Variants in GRM7 observed in about 807,000 individuals in gnomAD.
The protein encoded by GRM7 is metabotropic glutamate receptor 7.
GRM7 carries 35 observed loss-of-function variants against 84.5 expected under a neutral mutation model. That is an observed-to-expected ratio of 0.41 (90% CI 0.32 to 0.55). The LOEUF (loss-of-function observed/expected upper bound fraction) is 0.55, where lower values mean the gene tolerates loss of function less well. Ranked by LOEUF, GRM7 falls within the 20% of genes least tolerant of loss-of-function variation. The pLI, the probability that GRM7 is intolerant of heterozygous loss-of-function variation, is 0.19. For synonymous variants in GRM7, 487 were observed against 455.1 expected, an observed-to-expected ratio of 1.07 and a Z score of -0.89; for missense variants, 1,003 against 1,194.6, an observed-to-expected ratio of 0.84 and a Z score of 2.36.
chr3:7,291,404 C>T (rs570009282), intron 2 of GRM7, among the ~76,000 whole-genome samples: 1 of 151,942 alleles, frequency 6.6e-6, no homozygotes, highest in East Asian at 1.9e-4. Flanking sequence ...GTAGGTCATC[C>T]TTTTGCTGTG....
Position 7,725,430 on chromosome 3 carries a change from C to T in GRM7, c.2699-14927C>T, listed in dbSNP as rs1702089348. ...TTTGGGGCCAGACTCAGAATTCTTTCCCCACTTCTTCCTTCCATTTCTATA... is the reference window on the plus strand; with the variant it reads ...TTTGGGGCCAGACTCAGAATTCTTTTCCCACTTCTTCCTTCCATTTCTATA... On this transcript the variant is annotated intron_variant, in intron 9 of 9. Coordinates refer to ENST00000357716, the MANE Select transcript of GRM7 (RefSeq NM_000844.4). Among the ~76,000 whole-genome samples, 3 of 152,096 alleles carry T rather than the reference C, an allele frequency of 2.0e-5. No individual in the cohort carries two copies. The South Asian group carries it at 6.2e-4, about 31-fold the overall frequency.
chr3:7,310,915 C>T (rs1166849096), intron 4 of GRM7, among the ~76,000 whole-genome samples: 1 of 152,118 alleles, frequency 6.6e-6, no homozygotes, highest in Non-Finnish European at 1.5e-5. Context: ...TTCTCTGAGC[C>T]CCATTATAAG....
At chr3:7,433,350 C>T (rs1379954046) in intron 5 of GRM7, among the ~76,000 whole-genome samples, 2 of 152,202 alleles carry the variant, frequency 1.3e-5, no homozygotes, top group Non-Finnish European at 2.9e-5. Flanking sequence ...CGTGTTCTTT[C>T]TGATGGAGAA....
At chr3:7,560,966 C>T (rs2125036212) in intron 7 of GRM7, among the ~76,000 whole-genome samples, 1 of 152,312 alleles carries the variant, frequency 6.6e-6, no homozygotes, top group South Asian at 2.1e-4. Context: ...GTGGCACATA[C>T]TGCATAGATG....
intron 7 of GRM7, among the ~76,000 whole-genome samples, chr3:7,502,826 G>A (rs1441309588): frequency 6.6e-6 from 1 of 152,140 alleles, no homozygotes; most frequent in African/African-American, 2.4e-5. Flanking sequence ...TGTTGTTGCT[G>A]TTGTTTGCAT....
chr3:7,091,211 C>CAA (rs36113765), intron 1 of GRM7, among the ~76,000 whole-genome samples: 15,929 of 137,028 alleles, frequency 0.12, 1,165 homozygotes, highest in African/African-American at 0.2. Context: ...AGTGAAGTAC[C>CAA]AAAAAAAAAA....
chr3:7,570,968 C>G (rs1368224669), intron 7 of GRM7, among the ~76,000 whole-genome samples: 6 of 152,180 alleles, frequency 3.9e-5, no homozygotes, highest in African/African-American at 1.4e-4. Context: ...AGGCTTGGGG[C>G]TTGTACCCTC....
intron 7 of GRM7, among the ~76,000 whole-genome samples, chr3:7,543,288 T>C (rs1193099305): frequency 1.3e-5 from 2 of 152,220 alleles, no homozygotes; most frequent in African/African-American, 4.8e-5. Flanking sequence ...TTCATCACAG[T>C]ACCAATTTGG....
intron 4 of GRM7, among the ~76,000 whole-genome samples, chr3:7,386,917 C>A (rs1019564280): frequency 2.0e-5 from 3 of 152,130 alleles, no homozygotes; most frequent in Non-Finnish European, 4.4e-5. Context: ...TCTCTGCAAC[C>A]TCGCTAACAT....
intron 2 of GRM7, among the ~76,000 whole-genome samples, chr3:7,176,229 TAAAAAAAAA>T (rs55732650): frequency 6.3e-5 from 4 of 63,142 alleles, no homozygotes; most frequent in Non-Finnish European, 1.1e-4. Context: ...CTATAAAAAG[TAAAAAAAAA>T]AAAAAAAAAA....
intron 9 of GRM7, among the ~76,000 whole-genome samples, chr3:7,709,108 T>A (rs1201067516): frequency 2.0e-5 from 3 of 152,110 alleles, no homozygotes; most frequent in African/African-American, 7.2e-5. Flanking sequence ...GTGGTTGTCC[T>A]ATTTCACTTA....
chr3:7,308,114 C>A (rs1215999600), intron 4 of GRM7, among the ~76,000 whole-genome samples: 1 of 152,218 alleles, frequency 6.6e-6, no homozygotes, highest in East Asian at 1.9e-4. Flanking sequence ...TTCTGCAGCA[C>A]TGTCCTGCAC....
intron 1 of GRM7, among the ~76,000 whole-genome samples, chr3:6,959,099 G>T (rs1225065385): frequency 6.6e-6 from 1 of 152,182 alleles, no homozygotes; most frequent in African/African-American, 2.4e-5. Context: ...ATGCTTGATT[G>T]TGTAATATGT....
chr3:7,115,082 C>T (rs553681560), intron 1 of GRM7, among the ~76,000 whole-genome samples: 1 of 152,264 alleles, frequency 6.6e-6, no homozygotes, highest in South Asian at 2.1e-4. Flanking sequence ...AGTCTTTTCA[C>T]TTCAATCCAT....
At chr3:7,420,158 C>T (rs546564182) in intron 5 of GRM7, among the ~76,000 whole-genome samples, 1 of 152,142 alleles carries the variant, frequency 6.6e-6, no homozygotes, top group Admixed American at 6.6e-5. Context: ...TTATTTTTAC[C>T]AGGACCCAGG....
At chr3:7,190,044 GTTCTT>G (rs1271773704) in intron 2 of GRM7, among the ~76,000 whole-genome samples, 1 of 152,042 alleles carries the variant, frequency 6.6e-6, no homozygotes, top group Non-Finnish European at 1.5e-5. Flanking sequence ...TAAGCAAATT[GTTCTT>G]TTCTGCAAGG....
At chr3:6,868,873 A>C (rs1162976546) in intron 1 of GRM7, among the ~76,000 whole-genome samples, 1 of 152,102 alleles carries the variant, frequency 6.6e-6, no homozygotes, top group African/African-American at 2.4e-5. Context: ...TAATAGTTTT[A>C]TAATTGGTCA....
rs181349869 is a variant in GRM7, at chr3:7,353,327, A to T, written c.1033+46675A>T. Reference sequence around the variant, plus strand: ...ACCTGTGTGGGAATGGTAGGAATGAATATTAAGGGTGTGGGATAATAGTGG... The same window carrying T: ...ACCTGTGTGGGAATGGTAGGAATGATTATTAAGGGTGTGGGATAATAGTGG... On this transcript the variant is annotated intron_variant, in intron 4 of 9. Transcript: ENST00000357716. Among the ~76,000 whole-genome samples, 592 of 152,260 alleles carry T rather than the reference A, an allele frequency of 3.9e-3. 7 individuals carry two copies. Among genetic ancestry groups the T allele is most frequent in the African/African-American group, 0.014 (575 of 41,570 alleles).
intron 2 of GRM7, among the ~76,000 whole-genome samples, chr3:7,214,341 A>G (rs1696530940): frequency 6.6e-6 from 1 of 152,218 alleles, no homozygotes; most frequent in Admixed American, 6.5e-5. Flanking sequence ...ACAAATGTTT[A>G]TTGAGCCTCT....
Sources: gnomAD v4.1 joint callset for allele counts (sites outside exome capture counted in the v4.1 genomes callset) on GRCh38, gnomAD v4.1.1 for gene constraint, MANE v1.5 for transcripts, NCBI Gene and HGNC (gene_info 2026-07-23, HGNC 2026-07-21) for gene names.